The following ANKRD28 variants were observed in gnomAD, a reference collection of about 807,000 sequenced individuals.
The protein encoded by ANKRD28 is ankyrin repeat domain 28, also known as serine/threonine-protein phosphatase 6 regulatory ankyrin repeat subunit A.
ANKRD28 carries 44 observed loss-of-function variants against 126.5 expected under a neutral mutation model. That is an observed-to-expected ratio of 0.35 (90% CI 0.27 to 0.45). The LOEUF is 0.45. Ranked by LOEUF, ANKRD28 falls within the 20% of genes least tolerant of loss-of-function variation. The pLI is 1.00. For synonymous variants in ANKRD28, 442 were observed against 468.5 expected (o/e 0.94, Z 0.73); for missense variants, 1,110 against 1,316.6 (o/e 0.84, Z 2.43).
intron 27 of ANKRD28, among the ~76,000 whole-genome samples, chr3:15,671,589 G>GT (rs1266007505): frequency 0.023 from 3,090 of 133,824 alleles, 36 homozygotes; most frequent in Non-Finnish European, 0.032. Flanking sequence ...TTTTTTTTTT[G>GT]TTTTTTTTTT....
chr3:15,786,074 C>T (rs994826973), intron 2 of ANKRD28, among the ~76,000 whole-genome samples: 1 of 152,018 alleles, frequency 6.6e-6, no homozygotes, highest in Non-Finnish European at 1.5e-5. Flanking sequence ...GGCAGTGAAA[C>T]TACTCTGTAT....
intron 1 of ANKRD28, among the ~76,000 whole-genome samples, chr3:15,852,257 C>T (rs2061668690): frequency 6.6e-6 from 1 of 152,084 alleles, no homozygotes; most frequent in South Asian, 2.1e-4. Flanking sequence ...AGAAATTGTT[C>T]AAGAGAAAAG....
chr3:15,751,310 T>C (rs1460199871), intron 4 of ANKRD28, among the ~76,000 whole-genome samples: 3 of 152,202 alleles, frequency 2.0e-5, no homozygotes, highest in Admixed American at 1.3e-4. Context: ...GTTATATATT[T>C]ATAACCAGTA....
At chr3:15,848,610 G>C (rs1218206546) in intron 1 of ANKRD28, among the ~76,000 whole-genome samples, 1 of 151,934 alleles carries the variant, frequency 6.6e-6, no homozygotes, top group Non-Finnish European at 1.5e-5. Context: ...AGGAGGTCTA[G>C]GCTGCAAGTA....
chr3:15,808,983 A>G (rs2060648292), intron 1 of ANKRD28, among the ~76,000 whole-genome samples: 1 of 149,890 alleles, frequency 6.7e-6, no homozygotes, highest in Non-Finnish European at 1.5e-5. Flanking sequence ...TTTCTTCTAC[A>G]CACACCCCCC....
chr3:15,684,778 A>T, intron 21 of ANKRD28: 1 of 167,690 alleles, frequency 6.0e-6, no homozygotes, highest in South Asian at 1.5e-4. Flanking sequence ...AAAGCAATGG[A>T]AACATTCTAA....
rs375362686 is a variant in ANKRD28, at chr3:15,737,375, A to T, written c.352-142T>A. 2.6e-4 allele frequency: 190 copies of T among 722,690 alleles called. No homozygotes were observed. In the African/African-American group the frequency reaches 3.2e-3, roughly 12 times the overall value. The allele number at this position is 722,690 out of a possible 1,614,324, so 44.8% of individuals were successfully genotyped here. A position where few individuals can be genotyped will look rare whatever the true frequency, so the allele number is the denominator to read the frequency against. ...AGCTCTCATAGAACTCACTATAAACAAGTAGGAATTTACCCAAGGAAAGAA... is the reference window on the plus strand; with the variant it reads ...AGCTCTCATAGAACTCACTATAAACTAGTAGGAATTTACCCAAGGAAAGAA... On this transcript the variant is annotated intron_variant, in intron 4 of 27. Coordinates refer to ENST00000683139, the MANE Select transcript of ANKRD28 (RefSeq NM_001349278.2).
intron 10 of ANKRD28, 89 bp from the exon 11 acceptor site, chr3:15,712,311 A>C (rs1233411123): frequency 9.2e-7 from 1 of 1,087,978 alleles, no homozygotes; most frequent in African/African-American, 1.6e-5. Context: ...CACTTAAGTG[A>C]AAGATAACTA....
At chr3:15,859,556 G>C (rs1357290028) in exon 1 of ANKRD28, 1 of 467,268 alleles carries the variant, frequency 2.1e-6, no homozygotes, top group Admixed American at 5.5e-5. Context: ...CTGCGGGCAG[G>C]GGGCGGCGCC....
intron 2 of ANKRD28, among the ~76,000 whole-genome samples, chr3:15,792,316 C>G (rs1260404040): frequency 6.6e-6 from 1 of 152,086 alleles, no homozygotes; most frequent in African/African-American, 2.4e-5. Context: ...TGGAGGCAAC[C>G]TAAGTGTCCA....
intron 11 of ANKRD28, 98 bp from the exon 12 acceptor site, chr3:15,711,372 C>A: frequency 1.0e-6 from 1 of 982,848 alleles, no homozygotes; most frequent in Non-Finnish European, 1.6e-6. Flanking sequence ...CCCTCCAATC[C>A]CAAACAAAAC....
In ANKRD28 at chr3:15,814,572, G is replaced by T. The variant is rs902086062; in HGVS notation, c.28-19266C>A. 7.9e-5 allele frequency among the ~76,000 whole-genome samples: 12 copies of T among 151,864 alleles called. No individual in the cohort carries two copies. The highest frequency in any genetic ancestry group is 3.3e-4 in the Admixed American group (5 of 15,226). The stretch of plus-strand genomic sequence containing the variant: ...GCTTCCCAGAAGAGACTTAAAAAGT[G>T]GTGTTTGTTTCTTAGAATTCCTAGC... On this transcript the variant is annotated intron_variant, in intron 1 of 27. Transcript: ENST00000399451. This position sits in a 1 kb window ranked among gnomAD's most constrained non-coding sequence, Gnocchi z 4.7.
intron 3 of ANKRD28, among the ~76,000 whole-genome samples, chr3:15,756,239 A>G (rs910687075): frequency 2.6e-5 from 4 of 152,208 alleles, no homozygotes; most frequent in Admixed American, 6.5e-5. Context: ...ACAACTAAAA[A>G]TCAACTGCAG....
chr3:15,822,926 C>T (rs2060976321), intron 1 of ANKRD28, among the ~76,000 whole-genome samples: 1 of 152,142 alleles, frequency 6.6e-6, no homozygotes, highest in East Asian at 1.9e-4. Context: ...AAAGTAGGCA[C>T]ATTACTACTG....
intron 3 of ANKRD28, among the ~76,000 whole-genome samples, chr3:15,762,177 G>C (rs762278511): frequency 4.2e-5 from 4 of 96,106 alleles, no homozygotes; most frequent in Non-Finnish European, 7.8e-5. Flanking sequence ...AACAGAGCAA[G>C]ACTATGTCTT....
At chr3:15,695,776 A>G (rs1222116241) in intron 15 of ANKRD28, among the ~76,000 whole-genome samples, 1 of 152,090 alleles carries the variant, frequency 6.6e-6, no homozygotes, top group Non-Finnish European at 1.5e-5. Flanking sequence ...AATTCCCTAA[A>G]TATATGGGGG....
intron 1 of ANKRD28, among the ~76,000 whole-genome samples, chr3:15,829,615 A>G (rs2061146733): frequency 6.6e-6 from 1 of 152,158 alleles, no homozygotes. Context: ...CTGGTTTACG[A>G]AGGTCTTCAA....
intron 1 of ANKRD28, among the ~76,000 whole-genome samples, chr3:15,851,778 C>A (rs2061657384): frequency 6.6e-6 from 1 of 152,148 alleles, no homozygotes; most frequent in Admixed American, 6.5e-5. Flanking sequence ...CCCAATGATT[C>A]CATTCCTATA....
chr3:15,858,477 G>A (rs904392070), intron 1 of ANKRD28, among the ~76,000 whole-genome samples: 5 of 152,112 alleles, frequency 3.3e-5, no homozygotes, highest in Non-Finnish European at 7.4e-5. Context: ...CATTGTTTTC[G>A]CAAACGGGGT....
Sources: gnomAD v4.1 joint callset for allele counts (sites outside exome capture counted in the v4.1 genomes callset) on GRCh38, gnomAD v4.1.1 for gene constraint, Gnocchi (gnomAD v3.1) non-coding constraint, MANE v1.5 for transcripts, NCBI Gene and HGNC (gene_info 2026-07-23, HGNC 2026-07-21) for gene names.